The following NPFFR2 variants were observed in gnomAD, a reference collection of about 807,000 sequenced individuals.
The protein encoded by NPFFR2 is neuropeptide FF receptor 2, also known as G-protein coupled receptor 74.
NPFFR2 carries 15 observed loss-of-function variants against 13.1 expected under a neutral mutation model. The observed-to-expected ratio is 1.15, with a 90% CI of 0.77 to 1.76. NPFFR2 has a LOEUF of 1.76. Among genes scored for constraint, NPFFR2 ranks in the 40% most tolerant of loss-of-function variants. The pLI, the probability that NPFFR2 is intolerant of heterozygous loss-of-function variation, is 0.00. For synonymous variants in NPFFR2, 190 were observed against 175.7 expected, an observed-to-expected ratio of 1.08 and a Z score of -0.65; for missense variants, 572 against 503.5, an observed-to-expected ratio of 1.14 and a Z score of -1.30.
intron 1 of NPFFR2, among the ~76,000 whole-genome samples, chr4:72,073,811 G>C (rs1324784140): frequency 6.6e-6 from 1 of 151,804 alleles, no homozygotes; most frequent in Non-Finnish European, 1.5e-5. Flanking sequence ...AATTCAAATT[G>C]GTGTAACAAC....
chr4:72,109,619 A>G (rs1396456553), intron 1 of NPFFR2, among the ~76,000 whole-genome samples: 4 of 151,946 alleles, frequency 2.6e-5, no homozygotes, highest in African/African-American at 9.7e-5. Flanking sequence ...CCTTATTCCA[A>G]ATCTCTTCTG....
intron 1 of NPFFR2, among the ~76,000 whole-genome samples, chr4:72,058,820 G>C (rs998606715): frequency 6.6e-5 from 10 of 151,750 alleles, no homozygotes; most frequent in Non-Finnish European, 1.2e-4. Context: ...TGATTTTAAG[G>C]CCCAAGAGGC....
intron 1 of NPFFR2, among the ~76,000 whole-genome samples, chr4:72,111,764 A>T (rs1330640282): frequency 6.6e-6 from 1 of 152,032 alleles, no homozygotes; most frequent in Admixed American, 6.6e-5. Context: ...TTAGCACATA[A>T]TATCTATCCC....
intron 1 of NPFFR2, among the ~76,000 whole-genome samples, chr4:72,070,554 TGTGTGTGGGGGGGGGGGGTGG>T (rs1338605307): frequency 8.8e-4 from 1 of 1,140 alleles, no homozygotes; most frequent in African/African-American, 2.7e-3. Flanking sequence ...TGTGTGTGTG[TGTGTGTGGGGGGGGGGGGTGG>T]GGCTCTGGTG....
intron 1 of NPFFR2, among the ~76,000 whole-genome samples, chr4:72,055,307 A>ATAC (rs74774455): frequency 1.6e-4 from 24 of 147,872 alleles, no homozygotes; most frequent in African/African-American, 5.9e-4. Flanking sequence ...TGTGATAATA[A>ATAC]AAAAGTTTGA....
intron 1 of NPFFR2, among the ~76,000 whole-genome samples, chr4:72,116,520 C>A (rs899895238): frequency 6.6e-6 from 1 of 151,816 alleles, no homozygotes; most frequent in African/African-American, 2.4e-5. Context: ...CACCATCACA[C>A]AATATACCCA....
At chr4:72,067,679 C>T (rs558552105) in intron 1 of NPFFR2, among the ~76,000 whole-genome samples, 1 of 152,266 alleles carries the variant, frequency 6.6e-6, no homozygotes, top group South Asian at 2.1e-4. Context: ...CCATGTAGCA[C>T]CCTGAATACT....
intron 1 of NPFFR2, among the ~76,000 whole-genome samples, chr4:72,115,227 T>G (rs1181056672): frequency 2.0e-5 from 3 of 152,174 alleles, no homozygotes; most frequent in Admixed American, 2.0e-4. Context: ...AAATTATATT[T>G]GTAGAAATGA....
rs1722839955 is a variant in NPFFR2, at chr4:72,147,863, C to T, written c.*51C>T. ...TCTACTACGCATTATATATTTAAATCCATTGCTTTTTGTGGCTTTGCACTT... is the reference window on the plus strand; with the variant it reads ...TCTACTACGCATTATATATTTAAATTCATTGCTTTTTGTGGCTTTGCACTT... On this transcript the variant is annotated 3_prime_UTR_variant, in exon 4 of 4. Transcript: ENST00000308744. 1 of 1,311,538 alleles carries T rather than the reference C, an allele frequency of 7.6e-7. No homozygotes were observed. Among genetic ancestry groups the T allele is most frequent in the African/African-American group, 1.5e-5 (1 of 67,256 alleles). The allele number at this position is 1,311,538 out of a possible 1,614,324, so 81.2% of individuals were successfully genotyped here. A position where few individuals can be genotyped will look rare whatever the true frequency, so the allele number is the denominator to read the frequency against.
chr4:72,076,496 A>G (rs936187308), intron 1 of NPFFR2, among the ~76,000 whole-genome samples: 3 of 152,166 alleles, frequency 2.0e-5, no homozygotes, highest in African/African-American at 7.2e-5. Context: ...AGGGCTTTGG[A>G]GTGCCCAAGA....
At chr4:72,063,715 G>T (rs373692092) in intron 1 of NPFFR2, among the ~76,000 whole-genome samples, 40 of 152,262 alleles carry the variant, frequency 2.6e-4, no homozygotes, top group African/African-American at 9.1e-4. Flanking sequence ...TTCCAGCTGG[G>T]GCATATGGCG....
At chr4:72,125,439 A>T (rs544105660) in intron 1 of NPFFR2, among the ~76,000 whole-genome samples, 1 of 152,352 alleles carries the variant, frequency 6.6e-6, no homozygotes, top group East Asian at 1.9e-4. Context: ...ATTGGGAAGT[A>T]TAGGTGGTCT....
chr4:72,057,194 T>G (rs1719776236), intron 1 of NPFFR2, among the ~76,000 whole-genome samples: 1 of 151,894 alleles, frequency 6.6e-6, no homozygotes, highest in Non-Finnish European at 1.5e-5. Context: ...GCAATCATCA[T>G]CATCATCATC....
intron 1 of NPFFR2, among the ~76,000 whole-genome samples, chr4:72,062,618 T>A (rs1311685499): frequency 6.6e-6 from 1 of 152,114 alleles, no homozygotes; most frequent in African/African-American, 2.4e-5. Flanking sequence ...AGACGTGAAA[T>A]CTTCCCGATC....
At chr4:72,039,380 TG>T (rs1390863998) in intron 1 of NPFFR2, 1 of 985,068 alleles carries the variant, frequency 1.0e-6, no homozygotes, top group Admixed American at 6.2e-5. Context: ...TAGTTGCCTC[TG>T]CCCACCTCTT....
chr4:72,039,983 G>T (rs376697958), intron 1 of NPFFR2, among the ~76,000 whole-genome samples: 5 of 152,182 alleles, frequency 3.3e-5, no homozygotes, highest in African/African-American at 9.6e-5. Flanking sequence ...TTCTTCAGAT[G>T]TTTGGACTTC....
intron 3 of NPFFR2, among the ~76,000 whole-genome samples, chr4:72,139,425 T>C (rs927627221): frequency 2.6e-5 from 4 of 152,198 alleles, no homozygotes; most frequent in African/African-American, 9.7e-5. Flanking sequence ...CATCTTGAAT[T>C]AATTTTTGTG....
chr4:72,136,825 G>GGCAT (rs1436829780), intron 2 of NPFFR2, among the ~76,000 whole-genome samples: 2 of 152,230 alleles, frequency 1.3e-5, no homozygotes, highest in African/African-American at 4.8e-5. Flanking sequence ...AAAAGCCAGT[G>GGCAT]GCATCTAATT....
At chr4:72,135,818 GTT>G (rs59437428) in intron 2 of NPFFR2, among the ~76,000 whole-genome samples, 2 of 146,340 alleles carry the variant, frequency 1.4e-5, no homozygotes, top group Non-Finnish European at 3.0e-5. Context: ...GTTTTAATTT[GTT>G]TTTTTTTTAG....
Sources: allele counts gnomAD v4.1 joint callset (sites outside exome capture counted in the v4.1 genomes callset), GRCh38; gene constraint gnomAD v4.1.1; transcripts MANE v1.5; gene names NCBI Gene and HGNC (gene_info 2026-07-23, HGNC 2026-07-21).